Variants in DOCK7 observed in about 807,000 individuals in gnomAD.
DOCK7 encodes the protein dedicator of cytokinesis protein 7.
A neutral mutation model predicts 271.0 loss-of-function variants in DOCK7; 138 were observed. The ratio of observed to expected loss-of-function variants is 0.51; its 90% confidence interval spans 0.44 to 0.59. DOCK7 has a LOEUF of 0.59. Among genes scored for constraint, DOCK7 ranks in the 20% least tolerant of loss-of-function variants. The pLI is 0.00. For synonymous variants in DOCK7, 823 were observed against 876.1 expected (o/e 0.94, Z 1.07); for missense variants, 2,066 against 2,592.4 (o/e 0.80, Z 4.41).
intron 14 of DOCK7, among the ~76,000 whole-genome samples, chr1:62,607,276 T>C (rs969631592): frequency 6.6e-6 from 1 of 152,140 alleles, no homozygotes; most frequent in Non-Finnish European, 1.5e-5. Context: ...TCCTTTATAC[T>C]CTTTCACACC....
intron 14 of DOCK7, among the ~76,000 whole-genome samples, chr1:62,610,770 T>C (rs1557798946): frequency 6.6e-6 from 1 of 152,182 alleles, no homozygotes; most frequent in Admixed American, 6.5e-5. Context: ...GCTTCATCCA[T>C]GTCCCTACAA....
At position 62,460,604 on chromosome 1, in the gene DOCK7, A is replaced by AACACAC. The variant is rs57641890; in HGVS notation, c.6213-2905_6213-2900dup. The stretch of plus-strand genomic sequence containing the variant: ...GCAGAAAACTTGTGCCAATGTATTG[A>AACACAC]ACACACACACACACACACACACACA... On this transcript the variant is annotated intron_variant, in intron 48 of 49. Transcript: ENST00000635253. Among the ~76,000 whole-genome samples the AACACAC allele has an allele frequency of 2.9e-3, 435 of 148,998 alleles. 5 individuals are homozygous for AACACAC. The highest frequency in any genetic ancestry group is 0.01 in the African/African-American group (420 of 40,366).
intron 28 of DOCK7, among the ~76,000 whole-genome samples, chr1:62,536,519 C>T (rs1018039168): frequency 6.6e-6 from 1 of 152,160 alleles, no homozygotes; most frequent in African/African-American, 2.4e-5. Context: ...AAAGGCCAGC[C>T]TCATCCATTA....
At chr1:62,609,443 T>C (rs1358872499) in intron 14 of DOCK7, 1 of 152,176 alleles carries the variant, frequency 6.6e-6, no homozygotes, top group African/African-American at 2.4e-5. Flanking sequence ...CAAACCTCAG[T>C]TTCCACACCC....
At chr1:62,640,565 C>A (rs895698947) in intron 7 of DOCK7, among the ~76,000 whole-genome samples, 23 of 152,042 alleles carry the variant, frequency 1.5e-4, no homozygotes, top group Non-Finnish European at 3.2e-4. Context: ...TGTATTTGTT[C>A]CCTTTCAAAG....
chr1:62,675,661 T>C (rs1175909256), intron 1 of DOCK7, among the ~76,000 whole-genome samples: 8 of 150,756 alleles, frequency 5.3e-5, no homozygotes, highest in Admixed American at 3.3e-4. Flanking sequence ...GGCGGGTGCC[T>C]GTAGTCCCAG....
At position 62,555,921 on chromosome 1, in the gene DOCK7, C is replaced by T. The variant is rs147710829; in HGVS notation, c.2500G>A (p.Gly834Arg). Residue 834 changes from glycine (G) to arginine (R), a missense_variant, in exon 21 of 50, where the codon GGA (glycine) becomes AGA (arginine). Transcript: ENST00000635253. ...TTTCTGCCATGCTGGTCATGATTTC[C>T]TTCCAAGTTTTTGTGAAGTCGATTT... ...IINRLHKNLE[G>R]NHDQHGRNSL... 6.6e-5 allele frequency: 107 copies of T among 1,613,716 alleles called. No individual in the cohort carries two copies. Among genetic ancestry groups the T allele is most frequent in the Non-Finnish European group, 8.4e-5 (99 of 1,179,908 alleles).
chr1:62,676,650 G>A (rs909851192), intron 1 of DOCK7, among the ~76,000 whole-genome samples: 4 of 152,114 alleles, frequency 2.6e-5, no homozygotes, highest in African/African-American at 9.7e-5. Context: ...AAGGAGAGCT[G>A]AATGCAGTCA....
chr1:62,652,683 C>T (rs1054841223), intron 4 of DOCK7, among the ~76,000 whole-genome samples: 4 of 152,156 alleles, frequency 2.6e-5, no homozygotes, highest in African/African-American at 4.8e-5. Flanking sequence ...TATTTTACAA[C>T]TAACCTTTTT....
At chr1:62,685,920 A>C (rs1470571509) in intron 1 of DOCK7, among the ~76,000 whole-genome samples, 2 of 152,110 alleles carry the variant, frequency 1.3e-5, no homozygotes, top group African/African-American at 4.8e-5. Context: ...CATTATCTTA[A>C]TTTTATAACT....
At chr1:62,515,540 G>A (rs1215009147) in intron 31 of DOCK7, among the ~76,000 whole-genome samples, 1 of 152,162 alleles carries the variant, frequency 6.6e-6, no homozygotes, top group African/African-American at 2.4e-5. Context: ...ACAGGCATAT[G>A]CTGACATCTC....
chr1:62,544,972 G>A lies in DOCK7; in HGVS notation c.2834C>T (p.Pro945Leu). Reference protein sequence around the residue: ...GPKAAPWGSNPSPSAESTQAM... With the variant: ...GPKAAPWGSNLSPSAESTQAM... Reference sequence around the variant, plus strand: ...CTGTGTTGATTCTGCACTTGGACTGGGGTTGGATCCCCATGGGGCAGCTTT... The same window carrying A: ...CTGTGTTGATTCTGCACTTGGACTGAGGTTGGATCCCCATGGGGCAGCTTT... Residue 945 changes from proline (P) to leucine (L), a missense_variant, in exon 23 of 50, where the codon CCC becomes CTC. This residue lies in a region of DOCK7 where 1,414 missense variants were observed against 1,670.4 expected (regional missense o/e 0.85). Transcript: ENST00000635253. 1.3e-6 allele frequency: 2 copies of A among 1,549,746 alleles called. No homozygotes were observed. Among genetic ancestry groups the A allele is most frequent in the South Asian group, 2.4e-5 (2 of 84,006 alleles).
intron 13 of DOCK7, among the ~76,000 whole-genome samples, chr1:62,619,152 AGAGGGATCT>A (rs1391206192): frequency 6.6e-6 from 1 of 152,210 alleles, no homozygotes; most frequent in Non-Finnish European, 1.5e-5. Context: ...AAAAAAAACC[AGAGGGATCT>A]GGCATAGGAA....
At chr1:62,482,325 T>G (rs1646151043) in intron 43 of DOCK7, 1 of 148,800 alleles carries the variant, frequency 6.7e-6, no homozygotes, top group African/African-American at 2.5e-5. Context: ...TCTAATATAT[T>G]TGACACCCGA....
At chr1:62,529,591 C>A in intron 29 of DOCK7, 145 bp from the exon 30 acceptor site, 2 of 475,886 alleles carry the variant, frequency 4.2e-6, no homozygotes, top group South Asian at 6.5e-5. Context: ...GCATTCCATT[C>A]CTATAAAACA....
chr1:62,508,067 A>G lies in DOCK7; in HGVS notation c.4380-9T>C, dbSNP rs750542556. On this transcript the variant is annotated splice_polypyrimidine_tract_variant and intron_variant, in intron 34 of 49. Transcript: ENST00000635253. ...CAATCTCTGCTCTTGATCTAATACA[A>G]AATATTGTAAGAAATTATATTTATC... 2 of 1,585,828 alleles carry G rather than the reference A, an allele frequency of 1.3e-6. No individual in the cohort carries two copies. The highest frequency in any genetic ancestry group is 1.9e-5 in the Admixed American group (1 of 52,332).
intron 31 of DOCK7, among the ~76,000 whole-genome samples, chr1:62,526,012 C>T (rs1325211159): frequency 6.6e-6 from 1 of 152,182 alleles, no homozygotes; most frequent in East Asian, 1.9e-4. Flanking sequence ...TCCTGGCTCA[C>T]TGCAACCTCC....
At chr1:62,524,955 A>G in intron 31 of DOCK7, among the ~76,000 whole-genome samples, 1 of 128,748 alleles carries the variant, frequency 7.8e-6, no homozygotes, top group East Asian at 2.2e-4. Flanking sequence ...ATATATATAT[A>G]TTACTATAAA....
chr1:62,485,774 AG>A, intron 43 of DOCK7: 1 of 873,486 alleles, frequency 1.1e-6, no homozygotes, highest in Non-Finnish European at 1.4e-6. Flanking sequence ...AGCAAATGGT[AG>A]AAAACACATT....
Sources: allele counts gnomAD v4.1 joint callset (sites outside exome capture counted in the v4.1 genomes callset), GRCh38; gene constraint gnomAD v4.1.1; regional missense constraint gnomAD v4.1.1; transcripts MANE v1.5; gene names NCBI Gene and HGNC (gene_info 2026-07-23, HGNC 2026-07-21).